Variants in SLC4A8 observed in about 807,000 individuals in gnomAD.
SLC4A8 encodes electroneutral sodium bicarbonate exchanger 1.
Under a neutral mutation model 125.0 loss-of-function variants are expected in SLC4A8, and 40 were observed. The ratio of observed to expected loss-of-function variants is 0.32; its 90% CI spans 0.25 to 0.42. SLC4A8 has a LOEUF of 0.42. Among genes scored for constraint, SLC4A8 ranks in the 10% least tolerant of loss-of-function variants. The probability of loss-of-function intolerance (pLI) is 1.00; values close to 1 mark genes in which losing one functional copy is unlikely to be tolerated. For synonymous variants in SLC4A8, 456 were observed against 476.0 expected, an observed-to-expected ratio of 0.96 and a Z score of 0.55; for missense variants, 863 against 1,355.1, an observed-to-expected ratio of 0.64 and a Z score of 5.70.
intron 1 of SLC4A8, among the ~76,000 whole-genome samples, chr12:51,435,143 T>G (rs765403592): frequency 9.3e-4 from 142 of 152,192 alleles, no homozygotes; most frequent in Non-Finnish European, 1.8e-3. Flanking sequence ...CAGGGACAAT[T>G]TATTTGGTAA....
At chr12:51,448,574 G>T (rs1274908858) in intron 2 of SLC4A8, among the ~76,000 whole-genome samples, 2 of 152,196 alleles carry the variant, frequency 1.3e-5, no homozygotes, top group Non-Finnish European at 2.9e-5. Flanking sequence ...TTCCTTTGGT[G>T]GCTTGTTGGG....
intron 1 of SLC4A8, among the ~76,000 whole-genome samples, chr12:51,428,139 C>G (rs1390669046): frequency 7.2e-5 from 11 of 152,100 alleles, no homozygotes; most frequent in African/African-American, 2.4e-4. Flanking sequence ...GCTGTTTTAC[C>G]CAGGCCTTCT....
At chr12:51,478,760 G>A (rs1950933486) in intron 16 of SLC4A8, among the ~76,000 whole-genome samples, 1 of 152,218 alleles carries the variant, frequency 6.6e-6, no homozygotes, top group South Asian at 2.1e-4. Context: ...GTGAAATATA[G>A]CACAAACATT....
At position 51,441,976 on chromosome 12, in the gene SLC4A8, AG is replaced by A. The variant is rs541816862; in HGVS notation, c.130+1190del. ...AGTTGGGAGGGAGTGGGAGAAGGAA[AG>A]GGTGTGGAATGGAAGGCTAACATTT... On this transcript the variant is annotated intron_variant, in intron 2 of 24. Transcript: ENST00000453097. 2.2e-4 allele frequency among the ~76,000 whole-genome samples: 33 copies of A among 152,300 alleles called. No homozygotes were observed. The South Asian group carries it at 6.6e-3, about 31-fold the overall frequency.
At position 51,469,783 on chromosome 12, in the gene SLC4A8, C is replaced by A; in HGVS notation, c.1519C>A (p.Arg507Ser). The stretch of plus-strand genomic sequence containing the variant: ...ACTGCTTGGAGAAGCCACTGAGGGA[C>A]GCATAGTAAGGACTTTTAACCACTT... ...GGLLGEATEGRISAIESLFGA... is the reference protein window; with the variant it reads ...GGLLGEATEGSISAIESLFGA... Residue 507 changes from arginine to serine, a missense_variant, in exon 12 of 25, where the codon CGC becomes AGC. Around this residue, in one of 6 missense-constraint regions of SLC4A8, gnomAD observed 390 missense variants for 634.4 expected, o/e 0.61. Coordinates refer to ENST00000453097, the MANE Select transcript of SLC4A8 (RefSeq NM_001039960.3). 6.2e-7 allele frequency: 1 copy of A among 1,613,888 alleles called. No individual in the cohort carries two copies. Among genetic ancestry groups the A allele is most frequent in the Non-Finnish European group, 8.5e-7 (1 of 1,179,866 alleles).
chr12:51,463,729 G>A lies in SLC4A8; in HGVS notation c.1349+15G>A, dbSNP rs750111295. 34 of 1,556,604 alleles carry A rather than the reference G, an allele frequency of 2.2e-5. No homozygotes were observed. The highest frequency in any genetic ancestry group is 1.6e-4 in the East Asian group (7 of 44,428). ...CGCACTGGGCGGTAAGTCCTGGGAC[G>A]TTTCACAGCGATGCTGCTTATTGGG... On this transcript the variant is annotated intron_variant, in intron 11 of 24. Coordinates refer to ENST00000453097, the MANE Select transcript of SLC4A8 (RefSeq NM_001039960.3).
intron 11 of SLC4A8, among the ~76,000 whole-genome samples, chr12:51,468,192 G>C (rs936376739): frequency 6.6e-6 from 1 of 152,144 alleles, no homozygotes; most frequent in African/African-American, 2.4e-5. Context: ...AAAAGTGATT[G>C]AATTGGGAAC....
chr12:51,469,592 C>G lies in SLC4A8; in HGVS notation c.1350-22C>G, dbSNP rs554657585. 52 of 1,609,088 alleles carry G rather than the reference C, an allele frequency of 3.2e-5. No homozygotes were observed. The South Asian group carries it at 5.0e-4, about 15-fold the overall frequency. On this transcript the variant is annotated intron_variant, in intron 11 of 24. Coordinates refer to ENST00000453097, the MANE Select transcript of SLC4A8 (RefSeq NM_001039960.3). Reference sequence around the variant, plus strand: ...TAGGGAAGACGGACTGTGTTAGAAGCCTGTCTGTTGTGTTTCCACAGGCTA... The same window carrying G: ...TAGGGAAGACGGACTGTGTTAGAAGGCTGTCTGTTGTGTTTCCACAGGCTA...
upstream of SLC4A8, chr12:51,420,172 A>C (rs1948756618): frequency 6.6e-6 from 1 of 152,164 alleles, no homozygotes; most frequent in Non-Finnish European, 1.5e-5. Flanking sequence ...TCAGATCCCG[A>C]CGTCTTTTCC....
intron 1 of SLC4A8, among the ~76,000 whole-genome samples, chr12:51,427,137 A>C (rs1949019651): frequency 6.6e-6 from 1 of 151,662 alleles, no homozygotes; most frequent in South Asian, 2.1e-4. Flanking sequence ...ACAGGGTTTC[A>C]CCGTGTTAGC....
chr12:51,477,519 G>A (rs566657637), intron 16 of SLC4A8, among the ~76,000 whole-genome samples: 1 of 152,298 alleles, frequency 6.6e-6, no homozygotes, highest in East Asian at 1.9e-4. Context: ...AATGCCCACA[G>A]CAGCATTATA....
chr12:51,453,829 C>A, intron 5 of SLC4A8, 130 bp downstream of exon 5: 5 of 673,002 alleles, frequency 7.4e-6, no homozygotes, highest in Admixed American at 2.8e-5. Flanking sequence ...CCTTCCTGGC[C>A]TCAATGTCCT....
chr12:51,448,621 C>A (rs1168349307), intron 2 of SLC4A8, among the ~76,000 whole-genome samples: 1 of 152,140 alleles, frequency 6.6e-6, no homozygotes. Context: ...GCAAGTGAAC[C>A]AGGGGAGGGC....
At chr12:51,393,724 T>C (rs1385908616) in intron 1 of SLC4A8, among the ~76,000 whole-genome samples, 1 of 152,190 alleles carries the variant, frequency 6.6e-6, no homozygotes, top group African/African-American at 2.4e-5. Flanking sequence ...CTTGGCATGA[T>C]GCCCGACTCC....
intron 2 of SLC4A8, among the ~76,000 whole-genome samples, chr12:51,447,477 G>A (rs537610655): frequency 6.6e-6 from 1 of 152,218 alleles, no homozygotes; most frequent in Non-Finnish European, 1.5e-5. Context: ...CATCTGCAGT[G>A]CATCTTGAAT....
intron 1 of SLC4A8, among the ~76,000 whole-genome samples, chr12:51,397,139 AG>A (rs753577784): frequency 6.6e-6 from 1 of 152,018 alleles, no homozygotes; most frequent in Non-Finnish European, 1.5e-5. Flanking sequence ...CATATTGGCC[AG>A]GCTGGTCTTG....
intron 9 of SLC4A8, chr12:51,461,727 C>T (rs1950330140): frequency 5.4e-6 from 1 of 185,330 alleles, no homozygotes; most frequent in Non-Finnish European, 1.1e-5. Flanking sequence ...CTTGACTAGT[C>T]TGTACCAAAA....
At chr12:51,485,369 C>G (rs1951134759) in intron 16 of SLC4A8, among the ~76,000 whole-genome samples, 1 of 152,090 alleles carries the variant, frequency 6.6e-6, no homozygotes, top group Non-Finnish European at 1.5e-5. Flanking sequence ...GGGATATGTT[C>G]TGAAGGGAGA....
intron 16 of SLC4A8, among the ~76,000 whole-genome samples, chr12:51,484,523 CAG>C (rs1277139631): frequency 1.3e-5 from 2 of 152,226 alleles, no homozygotes; most frequent in South Asian, 4.1e-4. Flanking sequence ...AGTGGATACT[CAG>C]AGAATTTATA....
Sources: gnomAD v4.1 joint callset for allele counts (sites outside exome capture counted in the v4.1 genomes callset) on GRCh38, gnomAD v4.1.1 for gene constraint, gnomAD v4.1.1 regional missense constraint, MANE v1.5 for transcripts, NCBI Gene and HGNC (gene_info 2026-07-23, HGNC 2026-07-21) for gene names.